LY96: variants seen among roughly 807,000 people sequenced by gnomAD.
LY96 encodes myeloid differentiation protein-2.
LY96 carries 18 observed loss-of-function variants against 18.9 expected under a neutral mutation model. That is an observed-to-expected ratio of 0.95 (90% CI 0.66 to 1.41). The LOEUF (loss-of-function observed/expected upper bound fraction) is 1.41, where lower values mean the gene tolerates loss of function less well. Ranked by LOEUF, LY96 falls within the 40% of genes most tolerant of loss-of-function variation. The pLI is 0.00. For synonymous variants in LY96, 66 were observed against 62.6 expected (o/e 1.06, Z -0.26); for missense variants, 175 against 182.4 (o/e 0.96, Z 0.23).
At chr8:74,081,611 C>T in the LY96 span, among the ~76,000 whole-genome samples, 5 of 151,920 alleles carry the variant, frequency 3.3e-5, no homozygotes, top group African/African-American at 1.2e-4. Context: ...CCAGTCTGGT[C>T]TCGAGCTCCT....
chr8:74,081,083 TTC>T, the LY96 span, among the ~76,000 whole-genome samples: 1 of 114,560 alleles, frequency 8.7e-6, no homozygotes. Context: ...TTTCTTCTCT[TTC>T]TCTCTTTCTT....
chr8:74,063,890 A>G, the LY96 span, among the ~76,000 whole-genome samples: 1 of 152,108 alleles, frequency 6.6e-6, no homozygotes, highest in Non-Finnish European at 1.5e-5. Flanking sequence ...AGTCAATTAG[A>G]TTGACTGTAA....
intron 1 of LY96, among the ~76,000 whole-genome samples, chr8:73,996,805 T>C (rs1382172769): frequency 6.6e-6 from 1 of 152,092 alleles, no homozygotes; most frequent in Non-Finnish European, 1.5e-5. Flanking sequence ...AGTGCAGTGG[T>C]GCAATCTTGG....
chr8:74,086,264 C>T, the LY96 span, among the ~76,000 whole-genome samples: 3 of 152,186 alleles, frequency 2.0e-5, no homozygotes, highest in Non-Finnish European at 2.9e-5. Context: ...TTTTCCAGCT[C>T]TTAATACCAT....
chr8:74,068,794 A>C, the LY96 span, among the ~76,000 whole-genome samples: 1 of 152,050 alleles, frequency 6.6e-6, no homozygotes, highest in African/African-American at 2.4e-5. Context: ...TTTTCTTATT[A>C]CTGAGTTTTA....
chr8:74,095,793 C>T, the LY96 span, among the ~76,000 whole-genome samples: 1 of 152,186 alleles, frequency 6.6e-6, no homozygotes, highest in Non-Finnish European at 1.5e-5. Context: ...TCCACATGCT[C>T]TTGGAAATCT....
intron 2 of LY96, among the ~76,000 whole-genome samples, chr8:74,009,797 T>C (rs932059412): frequency 3.9e-5 from 6 of 152,206 alleles, no homozygotes; most frequent in African/African-American, 1.4e-4. Flanking sequence ...TATTTGATTA[T>C]GATTTACTAG....
the LY96 span, among the ~76,000 whole-genome samples, chr8:74,044,195 C>CT: frequency 4.9e-4 from 68 of 139,508 alleles, no homozygotes; most frequent in African/African-American, 3.9e-4. Flanking sequence ...TTTTCTTTTT[C>CT]TTTTTTTTTT....
At chr8:74,031,043 T>C (rs1402642472), downstream of LY96, among the ~76,000 whole-genome samples, 1 of 152,196 alleles carries the variant, frequency 6.6e-6, no homozygotes, top group Non-Finnish European at 1.5e-5. Context: ...ACTGAGGATT[T>C]CTGGCTGGGG....
chr8:74,001,192 G>A lies in LY96; in HGVS notation c.113-3604G>A, dbSNP rs369781638. 2.6e-5 allele frequency among the ~76,000 whole-genome samples: 4 copies of A among 151,570 alleles called. No individual in the cohort carries two copies. The East Asian group carries it at 7.8e-4, about 29-fold the overall frequency. ...CTTTAGGAGTTGGAGACCAGTCTGG[G>A]CAACAAAGAAAGCCTCTATCTCTAA... On this transcript the variant is annotated intron_variant, in intron 1 of 4. Transcript: ENST00000284818.
In LY96 at chr8:74,022,581, CT is replaced by C. The variant is rs769379029; in HGVS notation, c.332-4193del. On this transcript the variant is annotated intron_variant, in intron 3 of 4. Transcript: ENST00000284818. The stretch of plus-strand genomic sequence containing the variant: ...GAAATCTAGGGTTTTTTCTTTTTTT[CT>C]TTTTTTTTTTTTTTGTGACAGGGTC... 3.8e-3 allele frequency among the ~76,000 whole-genome samples: 503 copies of C among 133,078 alleles called. 1 individual carries two copies. Among genetic ancestry groups the C allele is most frequent in the African/African-American group, 9.6e-3 (336 of 35,094 alleles). The allele number at this position is 133,078 out of a possible 152,430, so 87.3% of individuals were successfully genotyped here.
chr8:74,078,154 T>C, the LY96 span, among the ~76,000 whole-genome samples: 1 of 151,954 alleles, frequency 6.6e-6, no homozygotes, highest in African/African-American at 2.4e-5. Flanking sequence ...AGTGGGTATC[T>C]ATTATTGAGT....
chr8:74,033,530 A>C (rs548480678), downstream of LY96, among the ~76,000 whole-genome samples: 1 of 152,198 alleles, frequency 6.6e-6, no homozygotes, highest in Non-Finnish European at 1.5e-5. Flanking sequence ...GAGAATACTT[A>C]TGAGCAGGGG....
chr8:74,023,958 A>AT (rs1275875169), intron 3 of LY96, among the ~76,000 whole-genome samples: 1 of 152,200 alleles, frequency 6.6e-6, no homozygotes, highest in Non-Finnish European at 1.5e-5. Flanking sequence ...AAAAAGTTTT[A>AT]TGTTCTAGTA....
At chr8:74,004,754 T>A in intron 1 of LY96, 42 bp from the exon 2 acceptor site, 2 of 1,487,500 alleles carry the variant, frequency 1.3e-6, no homozygotes, top group Non-Finnish European at 1.9e-6. Flanking sequence ...TTAATGGAGA[T>A]GATTTGTAGT....
At chr8:74,090,578 A>T in the LY96 span, among the ~76,000 whole-genome samples, 1 of 152,210 alleles carries the variant, frequency 6.6e-6, no homozygotes, top group Non-Finnish European at 1.5e-5. Flanking sequence ...ACATGTCTCA[A>T]CCCTACATAG....
At chr8:74,007,145 T>C (rs1816430374) in intron 2 of LY96, among the ~76,000 whole-genome samples, 1 of 152,192 alleles carries the variant, frequency 6.6e-6, no homozygotes, top group East Asian at 1.9e-4. Context: ...AAGAGACCCA[T>C]GACAGGCGGG....
the LY96 span, among the ~76,000 whole-genome samples, chr8:74,088,140 GAATAGAATAGA>G: frequency 6.6e-6 from 1 of 150,382 alleles, no homozygotes; most frequent in African/African-American, 2.5e-5. Flanking sequence ...GAATAGAATA[GAATAGAATAGA>G]AAAGAATAGA....
intron 1 of LY96, among the ~76,000 whole-genome samples, chr8:73,996,358 TTCCTTCCTTCATTC>T (rs1563707666): frequency 6.8e-4 from 91 of 133,294 alleles, no homozygotes; most frequent in African/African-American, 2.3e-3. Flanking sequence ...CCTTCCTTCC[TTCCTTCCTTCATTC>T]CTTTCTTTCT....
Sources: allele counts gnomAD v4.1 joint callset (sites outside exome capture counted in the v4.1 genomes callset), GRCh38; gene constraint gnomAD v4.1.1; transcripts MANE v1.5; gene names NCBI Gene and HGNC (gene_info 2026-07-23, HGNC 2026-07-21).